ASXL3: variants seen among roughly 807,000 people sequenced by gnomAD.
ASXL3 encodes putative Polycomb group protein ASXL3.
ASXL3 carries 34 observed loss-of-function variants against 170.6 expected under a neutral mutation model. The ratio of observed to expected loss-of-function variants is 0.20; its 90% CI spans 0.15 to 0.27. ASXL3 has a LOEUF of 0.27. Ranked by LOEUF, ASXL3 falls within the 10% of genes least tolerant of loss-of-function variation. The probability of loss-of-function intolerance (pLI) is 1.00; values close to 1 mark genes in which losing one functional copy is unlikely to be tolerated. For missense variants in ASXL3, 2,592 were observed against 2,695.3 expected, an observed-to-expected ratio of 0.96 and a Z score of 0.85; for synonymous variants, 1,002 against 989.1, an observed-to-expected ratio of 1.01 and a Z score of -0.24.
At chr18:33,656,408 CCA>C (rs1029967870) in intron 4 of ASXL3, among the ~76,000 whole-genome samples, 6 of 152,008 alleles carry the variant, frequency 3.9e-5, no homozygotes, top group African/African-American at 1.2e-4. Context: ...TCTTTGAGCA[CCA>C]GTTTCCTCAG....
At chr18:33,590,909 C>A (rs1283185620) in intron 1 of ASXL3, among the ~76,000 whole-genome samples, 1 of 152,166 alleles carries the variant, frequency 6.6e-6, no homozygotes, top group Non-Finnish European at 1.5e-5. Context: ...ATATACATTT[C>A]TTCGTGAAGC....
At chr18:33,733,540 C>T (rs1294702148) in intron 9 of ASXL3, among the ~76,000 whole-genome samples, 2 of 152,182 alleles carry the variant, frequency 1.3e-5, no homozygotes, top group Non-Finnish European at 2.9e-5. Context: ...CCTATAACTG[C>T]AGTCCTCCAA....
At chr18:33,592,509 A>G (rs1036848037) in intron 1 of ASXL3, among the ~76,000 whole-genome samples, 12 of 151,864 alleles carry the variant, frequency 7.9e-5, no homozygotes, top group African/African-American at 2.7e-4. Flanking sequence ...TATTCACTTT[A>G]TTTCTTTTCT....
At chr18:33,623,233 G>A (rs1296748549) in intron 2 of ASXL3, among the ~76,000 whole-genome samples, 5 of 152,114 alleles carry the variant, frequency 3.3e-5, no homozygotes, top group African/African-American at 9.7e-5. Flanking sequence ...GTGTTCTTCT[G>A]TTGCAGTATC....
chr18:33,624,776 T>C (rs17635170), intron 2 of ASXL3, among the ~76,000 whole-genome samples: 1 of 152,206 alleles, frequency 6.6e-6, no homozygotes, highest in Admixed American at 6.5e-5. Flanking sequence ...TCTTAGGAGG[T>C]GCATATGTAT....
At chr18:33,608,743 AT>A (rs1241397871) in intron 2 of ASXL3, among the ~76,000 whole-genome samples, 1 of 151,998 alleles carries the variant, frequency 6.6e-6, no homozygotes, top group Non-Finnish European at 1.5e-5. Context: ...TGCCTTTTGA[AT>A]GTTTTCATTG....
At chr18:33,698,437 G>A (rs1260317710) in intron 8 of ASXL3, among the ~76,000 whole-genome samples, 1 of 152,098 alleles carries the variant, frequency 6.6e-6, no homozygotes, top group Non-Finnish European at 1.5e-5. Context: ...GGACGTGTTG[G>A]ATCTGAGGTG....
In ASXL3 at chr18:33,747,133, T is replaced by C. The variant is rs1270166982; in HGVS notation, c.*538T>C. ...GTATTTGCTCCTATCACAAAAGATA[T>C]ATTAAAGGAGGTATGCCATTAATGA... is the stretch of plus-strand genomic sequence containing the variant. On this transcript the variant is annotated 3_prime_UTR_variant, in exon 12 of 12. Transcript: ENST00000269197. 3 of 152,382 alleles carry C rather than the reference T, an allele frequency of 2.0e-5. No individual in the cohort carries two copies. The highest frequency in any genetic ancestry group is 3.8e-4 in the East Asian group (2 of 5,200). The allele number at this position is 152,382 out of a possible 1,614,324, so 9.4% of individuals were successfully genotyped here. A position where few individuals can be genotyped will look rare whatever the true frequency, so the allele number is the denominator to read the frequency against.
chr18:33,705,506 A>G (rs1599519818), intron 8 of ASXL3, among the ~76,000 whole-genome samples: 1 of 151,846 alleles, frequency 6.6e-6, no homozygotes. Context: ...AAAATCAAGT[A>G]TGAACTCTGT....
At chr18:33,701,919 A>G (rs2066880896) in intron 8 of ASXL3, among the ~76,000 whole-genome samples, 1 of 152,040 alleles carries the variant, frequency 6.6e-6, no homozygotes, top group South Asian at 2.1e-4. Context: ...TTTAGAGTGC[A>G]TAATCTCTAT....
At position 33,743,296 on chromosome 18, in the gene ASXL3, A is replaced by C. The variant is rs747886880; in HGVS notation, c.3448A>C (p.Thr1150Pro). Residue 1150 changes from threonine (T) to proline (P), a missense_variant, in exon 12 of 12, where the codon ACA (threonine) becomes CCA (proline). By Grantham distance (38) the Thr-to-Pro change is conservative (BLOSUM62 -1). Transcript: ENST00000269197. Reference sequence around the variant, plus strand: ...CTTAGAAGTCTCTTCTACCCCTGAAACAAAAATGGAAGGTTCGACTGGTGT... The same window carrying C: ...CTTAGAAGTCTCTTCTACCCCTGAACCAAAAATGGAAGGTTCGACTGGTGT... The part of the protein sequence containing the change: ...PNLEVSSTPE[T>P]KMEGSTGVII... 19 of 1,613,812 alleles carry C rather than the reference A, an allele frequency of 1.2e-5. No individual in the cohort carries two copies. The highest frequency in any genetic ancestry group is 6.7e-5 in the African/African-American group (5 of 74,920).
chr18:33,596,264 A>G (rs56866975), intron 1 of ASXL3, among the ~76,000 whole-genome samples: 18,194 of 152,150 alleles, frequency 0.12, 1,456 homozygotes, highest in African/African-American at 0.22. Flanking sequence ...AAGTAAATTA[A>G]ATGCTTGCCA....
At chr18:33,737,721 A>G (rs1042037089) in intron 10 of ASXL3, among the ~76,000 whole-genome samples, 1 of 152,140 alleles carries the variant, frequency 6.6e-6, no homozygotes, top group African/African-American at 2.4e-5. Context: ...TGAAATTTGC[A>G]TGTTGTCTTA....
intron 4 of ASXL3, among the ~76,000 whole-genome samples, chr18:33,657,323 C>T (rs552663412): frequency 6.6e-6 from 1 of 152,112 alleles, no homozygotes; most frequent in Admixed American, 6.6e-5. Context: ...TCCAGATTGG[C>T]TGGATTATAG....
intron 5 of ASXL3, 94 bp from the exon 6 acceptor site, chr18:33,670,579 C>A: frequency 1.1e-6 from 1 of 879,154 alleles, no homozygotes; most frequent in Non-Finnish European, 1.7e-6. Flanking sequence ...TTAAGAGGTT[C>A]TATGTAATGA....
At chr18:33,652,070 T>C (rs958956202) in intron 4 of ASXL3, among the ~76,000 whole-genome samples, 1 of 152,062 alleles carries the variant, frequency 6.6e-6, no homozygotes, top group African/African-American at 2.4e-5. Flanking sequence ...CAAAGAATGA[T>C]TTAGGTGAAT....
chr18:33,741,274 A>G (rs894294963), intron 11 of ASXL3, among the ~76,000 whole-genome samples: 10 of 152,134 alleles, frequency 6.6e-5, no homozygotes, highest in African/African-American at 2.4e-4. Context: ...CTTTATGTAA[A>G]GATAGATAGA....
At chr18:33,732,210 AC>A in intron 9 of ASXL3, 146 bp downstream of exon 9, 2 of 481,872 alleles carry the variant, frequency 4.2e-6, no homozygotes, top group Non-Finnish European at 7.0e-6. Context: ...AAATGAGTTC[AC>A]TGATTCTTTT....
At chr18:33,664,251 G>A (rs570880085) in intron 5 of ASXL3, among the ~76,000 whole-genome samples, 1 of 152,264 alleles carries the variant, frequency 6.6e-6, no homozygotes, top group African/African-American at 2.4e-5. Context: ...GATGATGTTT[G>A]AATCCAGAAC....
Sources: allele counts gnomAD v4.1 joint callset (sites outside exome capture counted in the v4.1 genomes callset), GRCh38; gene constraint gnomAD v4.1.1; transcripts MANE v1.5; gene names NCBI Gene and HGNC (gene_info 2026-07-23, HGNC 2026-07-21).